Variants in LRBA observed in about 807,000 individuals in gnomAD.
The protein encoded by LRBA is lipopolysaccharide-responsive and beige-like anchor protein.
In LRBA, 176 loss-of-function variants were observed where a neutral mutation model predicts 330.0. The ratio of observed to expected loss-of-function variants is 0.53; its 90% confidence interval spans 0.47 to 0.60. The LOEUF (loss-of-function observed/expected upper bound fraction) is 0.60, where lower values mean the gene tolerates loss of function less well. LRBA is among the 20% of genes least tolerant of loss of function. The pLI is 0.00. For synonymous variants in LRBA, 1,230 were observed against 1,193.0 expected (o/e 1.03, Z -0.64); for missense variants, 3,259 against 3,444.8 (o/e 0.95, Z 1.35).
chr4:150,293,048 T>C (rs1385647887), intron 53 of LRBA, among the ~76,000 whole-genome samples: 1 of 152,112 alleles, frequency 6.6e-6, no homozygotes, highest in African/African-American at 2.4e-5. Context: ...AATATATTTG[T>C]TTAAAAAGCC....
chr4:150,293,195 G>T (rs1728548213), intron 53 of LRBA, among the ~76,000 whole-genome samples: 1 of 152,046 alleles, frequency 6.6e-6, no homozygotes, highest in Non-Finnish European at 1.5e-5. Context: ...AGTTACAATT[G>T]ATTACTACAA....
chr4:150,598,954 ATT>A lies in LRBA; in HGVS notation c.6046+51_6046+52del, dbSNP rs1177016243. 3.8e-6 allele frequency: 6 copies of A among 1,598,372 alleles called. No individual in the cohort carries two copies. The African/African-American group carries it at 8.1e-5, about 21-fold the overall frequency. On this transcript the variant is annotated intron_variant, in intron 38 of 56. Transcript: ENST00000651943. ...TTGTAATAATGAAGTTATGCTCTTC[ATT>A]ACCAAGTCCTGTACCTGCTGCTATT...
chr4:150,867,883 A>G lies in LRBA; in HGVS notation c.2574-20T>C. 6.4e-7 allele frequency: 1 copy of G among 1,560,196 alleles called. No individual in the cohort carries two copies. Among genetic ancestry groups the G allele is most frequent in the Non-Finnish European group, 8.7e-7 (1 of 1,149,186 alleles). On this transcript the variant is annotated intron_variant, in intron 21 of 56. Transcript: ENST00000651943. ...AAGCTCCTGAAAATTATGAGAGGGT[A>G]CTAAATTACTGAAGAAAAAAAAATT...
chr4:150,729,692 T>G (rs1730178317), intron 36 of LRBA, among the ~76,000 whole-genome samples: 1 of 152,192 alleles, frequency 6.6e-6, no homozygotes, highest in Non-Finnish European at 1.5e-5. Context: ...GCCAAAGCTA[T>G]CCTGAGCAAA....
At chr4:150,269,141 A>G (rs1424921755) in intron 56 of LRBA, among the ~76,000 whole-genome samples, 6 of 152,240 alleles carry the variant, frequency 3.9e-5, no homozygotes, top group African/African-American at 1.4e-4. Context: ...AGATCATGCC[A>G]TTGCACTCCA....
At chr4:151,001,576 C>G (rs1016542234) in intron 2 of LRBA, among the ~76,000 whole-genome samples, 6 of 152,134 alleles carry the variant, frequency 3.9e-5, no homozygotes, top group Non-Finnish European at 8.8e-5. Flanking sequence ...CAGCTGGCAT[C>G]TACCTGCATG....
At chr4:150,788,398 CT>C (rs1470851071) in intron 34 of LRBA, among the ~76,000 whole-genome samples, 2 of 151,768 alleles carry the variant, frequency 1.3e-5, no homozygotes, top group South Asian at 2.1e-4. Context: ...ATGCCTGGCG[CT>C]AATAAGATCT....
At chr4:150,742,692 A>G (rs1489521504) in intron 35 of LRBA, among the ~76,000 whole-genome samples, 1 of 152,094 alleles carries the variant, frequency 6.6e-6, no homozygotes, top group Non-Finnish European at 1.5e-5. Flanking sequence ...GTTTGAGACA[A>G]GCCTGGGTAA....
chr4:150,677,674 C>T (rs1782673182), intron 37 of LRBA, among the ~76,000 whole-genome samples: 2 of 151,840 alleles, frequency 1.3e-5, no homozygotes, highest in Non-Finnish European at 1.5e-5. Context: ...TGGTGGTTCC[C>T]ATTTGTAGTC....
intron 40 of LRBA, among the ~76,000 whole-genome samples, chr4:150,549,110 TAA>T (rs1766234909): frequency 6.6e-6 from 1 of 152,040 alleles, no homozygotes; most frequent in South Asian, 2.1e-4. Context: ...GAATATATTC[TAA>T]GATATATTTA....
chr4:150,547,664 G>C (rs902209719), intron 40 of LRBA, among the ~76,000 whole-genome samples: 1 of 152,048 alleles, frequency 6.6e-6, no homozygotes, highest in African/African-American at 2.4e-5. Flanking sequence ...ATTGGGAGCA[G>C]GGTGGTGTAT....
intron 40 of LRBA, among the ~76,000 whole-genome samples, chr4:150,573,313 G>A (rs1770104010): frequency 6.6e-6 from 1 of 152,178 alleles, no homozygotes; most frequent in South Asian, 2.1e-4. Context: ...TTCAAGTGAA[G>A]TGAGATAAAA....
chr4:150,439,457 G>T (rs1239145563), intron 44 of LRBA, among the ~76,000 whole-genome samples: 1 of 151,738 alleles, frequency 6.6e-6, no homozygotes. Flanking sequence ...GACATACCAC[G>T]TTTATTTGCA....
At chr4:150,594,189 G>T (rs1387520864) in intron 38 of LRBA, among the ~76,000 whole-genome samples, 1 of 151,828 alleles carries the variant, frequency 6.6e-6, no homozygotes, top group Non-Finnish European at 1.5e-5. Flanking sequence ...TGGTTTTCCT[G>T]TAATTAACTC....
Position 150,420,444 on chromosome 4 carries a change from T to C in LRBA, c.7042-4854A>G, listed in dbSNP as rs189902194. ...GTATATATAAAGTATATATAATACATATATAATATATAAAGTATATATAAT... is the reference window on the plus strand; with the variant it reads ...GTATATATAAAGTATATATAATACACATATAATATATAAAGTATATATAAT... On this transcript the variant is annotated intron_variant, in intron 46 of 56. Transcript: ENST00000651943. 8.9e-3 allele frequency among the ~76,000 whole-genome samples: 717 copies of C among 80,714 alleles called. 46 individuals carry two copies. Among genetic ancestry groups the C allele is most frequent in the African/African-American group, 0.026 (551 of 21,260 alleles). 53.0% of individuals were successfully genotyped at this position (80,714 alleles called of 152,430 possible).
At chr4:150,289,752 C>G (rs1748608343) in intron 53 of LRBA, among the ~76,000 whole-genome samples, 3 of 152,148 alleles carry the variant, frequency 2.0e-5, no homozygotes. Flanking sequence ...TCAAAAAGTA[C>G]ATTCAAAATA....
chr4:150,681,598 T>C (rs1200960288), intron 37 of LRBA, among the ~76,000 whole-genome samples: 1 of 152,194 alleles, frequency 6.6e-6, no homozygotes, highest in East Asian at 1.9e-4. Context: ...TATTGTTTTT[T>C]AATGTAAGAT....
intron 2 of LRBA, among the ~76,000 whole-genome samples, chr4:150,950,724 T>C (rs1736744857): frequency 6.6e-6 from 1 of 152,180 alleles, no homozygotes; most frequent in East Asian, 1.9e-4. Context: ...ATAGACAATG[T>C]TGTTTTTGTC....
At chr4:150,306,514 T>A (rs1178878402) in intron 52 of LRBA, among the ~76,000 whole-genome samples, 2 of 152,206 alleles carry the variant, frequency 1.3e-5, no homozygotes, top group Non-Finnish European at 2.9e-5. Flanking sequence ...ACACCAGGAC[T>A]ATCGTTTGAG....
Sources: gnomAD v4.1 joint callset for allele counts (sites outside exome capture counted in the v4.1 genomes callset) on GRCh38, gnomAD v4.1.1 for gene constraint, MANE v1.5 for transcripts, NCBI Gene and HGNC (gene_info 2026-07-23, HGNC 2026-07-21) for gene names.